MYSM1: variants seen among roughly 807,000 people sequenced by gnomAD.
MYSM1 encodes Myb like, SWIRM and MPN domains 1.
MYSM1 carries 51 observed loss-of-function variants against 116.0 expected under a neutral mutation model. The ratio of observed to expected loss-of-function variants is 0.44; its 90% CI spans 0.35 to 0.56. The LOEUF is 0.56. Among genes scored for constraint, MYSM1 ranks in the 20% least tolerant of loss-of-function variants. MYSM1 has a pLI of 0.00. For synonymous variants in MYSM1, 313 were observed against 315.2 expected, an observed-to-expected ratio of 0.99 and a Z score of 0.07; for missense variants, 900 against 974.9, an observed-to-expected ratio of 0.92 and a Z score of 1.02.
intron 3 of MYSM1, among the ~76,000 whole-genome samples, chr1:58,691,258 C>A (rs1470035641): frequency 6.7e-6 from 1 of 149,102 alleles, no homozygotes; most frequent in Non-Finnish European, 1.5e-5. Context: ...CCAGCCTGGG[C>A]GACAGAGCGA....
At position 58,686,899 on chromosome 1, in the gene MYSM1, T is replaced by C. The variant is rs565243436; in HGVS notation, c.400-1648A>G. 3.3e-5 allele frequency among the ~76,000 whole-genome samples: 5 copies of C among 151,114 alleles called. No homozygotes were observed. The East Asian group carries it at 9.7e-4, about 29-fold the overall frequency. Reference sequence around the variant, plus strand: ...ATGTGGTCCTAGCTACTCAGGAGACTGAGGCAAGGGGATCACCTGAACTCA... The same window carrying C: ...ATGTGGTCCTAGCTACTCAGGAGACCGAGGCAAGGGGATCACCTGAACTCA... On this transcript the variant is annotated intron_variant, in intron 6 of 19. Transcript: ENST00000472487.
At chr1:58,674,699 G>T (rs1322637998) in intron 10 of MYSM1, among the ~76,000 whole-genome samples, 1 of 152,074 alleles carries the variant, frequency 6.6e-6, no homozygotes, top group African/African-American at 2.4e-5. Context: ...GCCAAGGCGG[G>T]CGGATCATGA....
intron 8 of MYSM1, among the ~76,000 whole-genome samples, chr1:58,680,860 C>A (rs1328037487): frequency 2.7e-5 from 4 of 149,124 alleles, no homozygotes; most frequent in Admixed American, 1.3e-4. Context: ...CTCGCTCTGT[C>A]GCCCAGGCTG....
At position 58,657,300 on chromosome 1, in the gene MYSM1, G is replaced by A. The variant is rs1202198288; in HGVS notation, c.*2697C>T. 2.0e-5 allele frequency: 3 copies of A among 152,018 alleles called. No homozygotes were observed. Among genetic ancestry groups the A allele is most frequent in the African/African-American group, 7.2e-5 (3 of 41,388 alleles). The allele number at this position is 152,018 out of a possible 1,614,324, so 9.4% of individuals were successfully genotyped here. A position where few individuals can be genotyped will look rare whatever the true frequency, so the allele number is the denominator to read the frequency against. The stretch of plus-strand genomic sequence containing the variant: ...TGTGCAATAACAAAGACAGAATCAG[G>A]ATGAAGACACCTGCATGTCTTTAAG... On this transcript the variant is annotated 3_prime_UTR_variant, in exon 20 of 20. Transcript: ENST00000472487.
At chr1:58,662,777 G>A (rs1303776537) in intron 17 of MYSM1, among the ~76,000 whole-genome samples, 1 of 152,054 alleles carries the variant, frequency 6.6e-6, no homozygotes, top group Non-Finnish European at 1.5e-5. Flanking sequence ...GGGACAGCAA[G>A]CCTGATGATG....
At chr1:58,661,305 T>G (rs1644388016) in intron 18 of MYSM1, 78 bp from the exon 19 acceptor site, 10 of 1,343,638 alleles carry the variant, frequency 7.4e-6, no homozygotes, top group Non-Finnish European at 1.1e-5. Flanking sequence ...CTATCACGGA[T>G]GCCATACATC....
intron 8 of MYSM1, among the ~76,000 whole-genome samples, chr1:58,679,156 T>G (rs2100640845): frequency 6.6e-6 from 1 of 152,300 alleles, no homozygotes; most frequent in African/African-American, 2.4e-5. Context: ...TCTTTTTATT[T>G]CAAAACTTTA....
chr1:58,673,720 C>A, intron 10 of MYSM1, 70 bp from the exon 11 acceptor site: 1 of 1,269,992 alleles, frequency 7.9e-7, no homozygotes, highest in South Asian at 1.2e-5. Context: ...CATTAATACA[C>A]AAAATGAAAA....
intron 16 of MYSM1, 42 bp downstream of exon 16, chr1:58,666,996 G>C (rs752257912): frequency 2.7e-5 from 32 of 1,164,846 alleles, no homozygotes; most frequent in Middle Eastern, 2.2e-4. Flanking sequence ...AGCATTGAGG[G>C]GGTGTGCAAC....
At position 58,681,894 on chromosome 1, in the gene MYSM1, T is replaced by A. The variant is rs1343759383; in HGVS notation, c.1150A>T (p.Asn384Tyr). 3 of 1,613,854 alleles carry A rather than the reference T, an allele frequency of 1.9e-6. No individual in the cohort carries two copies. Among genetic ancestry groups the A allele is most frequent in the Non-Finnish European group, 2.5e-6 (3 of 1,179,990 alleles). Residue 384 changes from asparagine to tyrosine, a missense_variant, in exon 8 of 20, where the codon AAT becomes TAT. Coordinates refer to ENST00000472487, the MANE Select transcript of MYSM1 (RefSeq NM_001085487.3). ...PPEQEIEIDRNIIQEEEKQAI... is the reference protein window; with the variant it reads ...PPEQEIEIDRYIIQEEEKQAI... Reference sequence around the variant, plus strand: ...TGTTTTTCTTCTTCTTGAATGATATTTCTATCTATTTCTATTTCCTGTTCT... The same window carrying A: ...TGTTTTTCTTCTTCTTGAATGATATATCTATCTATTTCTATTTCCTGTTCT...
At chr1:58,680,653 T>C (rs1207734881) in intron 8 of MYSM1, among the ~76,000 whole-genome samples, 1 of 152,150 alleles carries the variant, frequency 6.6e-6, no homozygotes, top group Non-Finnish European at 1.5e-5. Flanking sequence ...CCCTTCTAGG[T>C]TACAGCAGGA....
chr1:58,681,701 A>C, intron 8 of MYSM1, 84 bp downstream of exon 8: 1 of 1,336,514 alleles, frequency 7.5e-7, no homozygotes, highest in East Asian at 2.5e-5. Flanking sequence ...TTACTAGCAA[A>C]ATTCTAAATT....
chr1:58,682,756 C>T (rs1449095482), intron 7 of MYSM1, among the ~76,000 whole-genome samples: 3 of 148,618 alleles, frequency 2.0e-5, no homozygotes, highest in African/African-American at 7.5e-5. Flanking sequence ...AGTGCAGTGG[C>T]GCAATCCCAG....
chr1:58,672,857 C>A (rs1184767189), intron 11 of MYSM1, among the ~76,000 whole-genome samples: 2 of 152,104 alleles, frequency 1.3e-5, no homozygotes, highest in Non-Finnish European at 2.9e-5. Flanking sequence ...ATTAGAAATA[C>A]AAGCCCCTTA....
rs767189986 is a variant in MYSM1 at position 58,682,072 on chromosome 1, G to T, written c.972C>A (p.Asn324Lys). The change falls in exon 8 of 20, where the codon AAC (asparagine) becomes AAA (lysine). Residue 324 changes from asparagine to lysine, a missense_variant. Asn to Lys is a moderately conservative substitution (Grantham distance 94, BLOSUM62 0). This residue lies in a region of MYSM1 where 622 missense variants were observed against 623.7 expected (regional missense o/e 1.00). Coordinates refer to ENST00000472487, the MANE Select transcript of MYSM1 (RefSeq NM_001085487.3). Reference sequence around the variant, plus strand: ...CTATTATTCCCCTTCCATCATGCTTGTTGCAGTTTTTAATCAATTCATTAA... The same window carrying T: ...CTATTATTCCCCTTCCATCATGCTTTTTGCAGTTTTTAATCAATTCATTAA... ...QKFNELIKNC[N>K]KHDGRGIIVD... 3.1e-6 allele frequency: 5 copies of T among 1,613,936 alleles called. No individual in the cohort carries two copies. Among genetic ancestry groups the T allele is most frequent in the Non-Finnish European group, 4.2e-6 (5 of 1,180,008 alleles).
chr1:58,699,847 C>T, intron 1 of MYSM1, 138 bp downstream of exon 1: 1 of 1,441,598 alleles, frequency 6.9e-7, no homozygotes. Flanking sequence ...GAGGTGCCTC[C>T]CAGGCCAACA....
intron 11 of MYSM1, among the ~76,000 whole-genome samples, chr1:58,672,893 G>C (rs1051939698): frequency 4.6e-5 from 7 of 152,154 alleles, no homozygotes; most frequent in African/African-American, 1.7e-4. Context: ...ACTAATTACT[G>C]TGCCTAGAAT....
intron 8 of MYSM1, among the ~76,000 whole-genome samples, chr1:58,679,073 T>G (rs1190516329): frequency 2.0e-5 from 3 of 152,172 alleles, no homozygotes; most frequent in Non-Finnish European, 4.4e-5. Flanking sequence ...ATAAAAATAT[T>G]CCCCTAACCA....
chr1:58,679,154 T>C (rs1644700924), intron 8 of MYSM1, among the ~76,000 whole-genome samples: 1 of 152,198 alleles, frequency 6.6e-6, no homozygotes, highest in South Asian at 2.1e-4. Flanking sequence ...CTTCTTTTTA[T>C]TTCAAAACTT....
Sources: allele counts gnomAD v4.1 joint callset (sites outside exome capture counted in the v4.1 genomes callset), GRCh38; gene constraint gnomAD v4.1.1; regional missense constraint gnomAD v4.1.1; transcripts MANE v1.5; gene names NCBI Gene and HGNC (gene_info 2026-07-23, HGNC 2026-07-21).